The following TRDN variants were observed in gnomAD, a reference collection of about 807,000 sequenced individuals.
The protein encoded by TRDN is triadin.
Under a neutral mutation model 149.7 loss-of-function variants are expected in TRDN, and 161 were observed. That is an observed-to-expected ratio of 1.08 (90% CI 0.95 to 1.23). TRDN has a LOEUF of 1.23. Among genes scored for constraint, TRDN ranks in the 50% most tolerant of loss-of-function variants. The probability of loss-of-function intolerance (pLI) is 0.00; values close to 1 mark genes in which losing one functional copy is unlikely to be tolerated. For synonymous variants in TRDN, 294 were observed against 250.5 expected, an observed-to-expected ratio of 1.17 and a Z score of -1.64; for missense variants, 896 against 823.5, an observed-to-expected ratio of 1.09 and a Z score of -1.08.
At chr6:123,518,853 C>G (rs771432248) in intron 5 of TRDN, among the ~76,000 whole-genome samples, 1 of 152,120 alleles carries the variant, frequency 6.6e-6, no homozygotes, top group Non-Finnish European at 1.5e-5. Context: ...GCTCCTTGGA[C>G]AGAAACTTCA....
At chr6:123,486,964 A>G (rs998794006) in intron 9 of TRDN, among the ~76,000 whole-genome samples, 10 of 152,052 alleles carry the variant, frequency 6.6e-5, no homozygotes, top group African/African-American at 2.4e-4. Flanking sequence ...AACAAAGGCT[A>G]GGAGACATCA....
chr6:123,254,753 C>A (rs11970454), intron 37 of TRDN, among the ~76,000 whole-genome samples: 2,981 of 151,874 alleles, frequency 0.02, 84 homozygotes, highest in South Asian at 0.076. Context: ...AAAAATAAAT[C>A]CCAGTAATAT....
At position 123,273,629 on chromosome 6, in the gene TRDN, C is replaced by T. The variant is rs73551207; in HGVS notation, c.1598-266G>A. Among the ~76,000 whole-genome samples, 2,630 of 151,874 alleles carry T rather than the reference C, an allele frequency of 0.017. 69 individuals are homozygous for T. The highest frequency in any genetic ancestry group is 0.076 in the South Asian group (367 of 4,810). On this transcript the variant is annotated intron_variant, in intron 27 of 40. Coordinates refer to ENST00000334268, the MANE Select transcript of TRDN (RefSeq NM_006073.4). Reference sequence around the variant, plus strand: ...TAATAATATTTGTAATGTAACAAGGCTGTTATGATCCTTAATATATTGTAA... The same window carrying T: ...TAATAATATTTGTAATGTAACAAGGTTGTTATGATCCTTAATATATTGTAA...
At chr6:123,289,125 ATATAAAATATGT>A (rs1777909548) in intron 24 of TRDN, among the ~76,000 whole-genome samples, 3 of 147,340 alleles carry the variant, frequency 2.0e-5, no homozygotes, top group African/African-American at 7.4e-5. Flanking sequence ...TAGTGTATAT[ATATAAAATATGT>A]TATATATATT....
At chr6:123,527,065 G>A (rs564398920) in intron 5 of TRDN, among the ~76,000 whole-genome samples, 1 of 151,944 alleles carries the variant, frequency 6.6e-6, no homozygotes, top group East Asian at 1.9e-4. Flanking sequence ...TCTTGCCCAA[G>A]GACACATAGC....
At chr6:123,295,822 A>C (rs920454118) in intron 24 of TRDN, among the ~76,000 whole-genome samples, 11 of 152,022 alleles carry the variant, frequency 7.2e-5, no homozygotes, top group Admixed American at 1.3e-4. Context: ...AAAGTTAGCC[A>C]AGTGTAGTGG....
intron 7 of TRDN, among the ~76,000 whole-genome samples, chr6:123,504,621 TA>T (rs1778839696): frequency 6.6e-6 from 1 of 151,994 alleles, no homozygotes; most frequent in African/African-American, 2.4e-5. Flanking sequence ...CAAAGGGCTA[TA>T]AATAAAAATA....
At chr6:123,506,562 C>T (rs1006819555) in intron 7 of TRDN, among the ~76,000 whole-genome samples, 6 of 151,960 alleles carry the variant, frequency 3.9e-5, no homozygotes, top group East Asian at 1.9e-4. Context: ...AATCTTGGCT[C>T]ACTGCAACCT....
At chr6:123,530,686 A>C (rs1780202587) in intron 4 of TRDN, 121 bp from the exon 5 acceptor site, 1 of 525,754 alleles carries the variant, frequency 1.9e-6, no homozygotes, top group Admixed American at 4.9e-5. Flanking sequence ...GTTACTAACA[A>C]GTTTATTGGA....
intron 18 of TRDN, 86 bp from the exon 19 acceptor site, chr6:123,375,717 GT>G: frequency 1.8e-6 from 2 of 1,105,868 alleles, no homozygotes; most frequent in South Asian, 3.4e-5. Context: ...TATCTTAATT[GT>G]TTAAAGATTG....
chr6:123,402,958 C>A (rs776243211), intron 12 of TRDN, among the ~76,000 whole-genome samples: 4 of 151,892 alleles, frequency 2.6e-5, no homozygotes, highest in Non-Finnish European at 5.9e-5. Flanking sequence ...AAGTTTGAAG[C>A]GATGGTACAA....
intron 24 of TRDN, among the ~76,000 whole-genome samples, chr6:123,297,048 C>T (rs1042516551): frequency 4.6e-5 from 7 of 151,966 alleles, no homozygotes; most frequent in African/African-American, 1.7e-4. Flanking sequence ...TTTGGAAAGT[C>T]CTTTAAACAA....
chr6:123,495,530 A>T (rs1469853877), intron 9 of TRDN, among the ~76,000 whole-genome samples: 1 of 4,676 alleles, frequency 2.1e-4, no homozygotes, highest in East Asian at 0.17. Flanking sequence ...AAAAAAAATA[A>T]AAAAAATAAA....
chr6:123,497,762 G>T (rs1460033856), intron 8 of TRDN, among the ~76,000 whole-genome samples: 1 of 152,110 alleles, frequency 6.6e-6, no homozygotes, highest in African/African-American at 2.4e-5. Context: ...CAACCTGTTA[G>T]GTGGCCTCTG....
intron 24 of TRDN, among the ~76,000 whole-genome samples, chr6:123,290,609 G>C (rs2114649698): frequency 6.6e-6 from 1 of 152,206 alleles, no homozygotes; most frequent in Non-Finnish European, 1.5e-5. Context: ...CGGAATCGAT[G>C]CTTAAATAAT....
rs368774030 is a variant in TRDN, at chr6:123,444,382, C to T, written c.932-5379G>A. 3.5e-3 allele frequency among the ~76,000 whole-genome samples: 481 copies of T among 138,424 alleles called. 22 individuals are homozygous for T. The East Asian group carries it at 0.091, about 26-fold the overall frequency. 90.8% of individuals were successfully genotyped at this position (138,424 alleles called of 152,430 possible). ...TGTACATTGATTTTGTATCCTGAGA[C>T]TTTGCTGAAGTTGCTTATCAGCTTA... On this transcript the variant is annotated intron_variant, in intron 10 of 40. Transcript: ENST00000334268.
At chr6:123,223,781 A>C (rs1775250602) in intron 39 of TRDN, among the ~76,000 whole-genome samples, 1 of 150,326 alleles carries the variant, frequency 6.7e-6, no homozygotes, top group Admixed American at 6.7e-5. Flanking sequence ...TTCTTAATAA[A>C]ATCATGGCAT....
rs529125916 is a variant in TRDN at position 123,274,543 on chromosome 6, T to C, written c.1597+98A>G. 1.9e-5 allele frequency: 20 copies of C among 1,035,886 alleles called. No homozygotes were observed. The East Asian group carries it at 5.2e-4, about 27-fold the overall frequency. 64.2% of individuals were successfully genotyped at this position (1,035,886 alleles called of 1,614,324 possible). A position where few individuals can be genotyped will look rare whatever the true frequency, so the allele number is the denominator to read the frequency against. Reference sequence around the variant, plus strand: ...AAAATAATGAGGAACTTGGAGACTATGTGCATGTCTCCCTAGTGAGATGTA... The same window carrying C: ...AAAATAATGAGGAACTTGGAGACTACGTGCATGTCTCCCTAGTGAGATGTA... On this transcript the variant is annotated intron_variant, in intron 27 of 40. Transcript: ENST00000334268.
At chr6:123,599,834 T>C (rs557391694) in intron 1 of TRDN, among the ~76,000 whole-genome samples, 51 of 152,062 alleles carry the variant, frequency 3.4e-4, no homozygotes, top group African/African-American at 1.2e-3. Flanking sequence ...TTTTATCTAG[T>C]GTGGAGCAAG....
Sources: gnomAD v4.1 joint callset for allele counts (sites outside exome capture counted in the v4.1 genomes callset) on GRCh38, gnomAD v4.1.1 for gene constraint, MANE v1.5 for transcripts, NCBI Gene and HGNC (gene_info 2026-07-23, HGNC 2026-07-21) for gene names.